Variants in PARD6G observed in about 807,000 individuals in gnomAD.
PARD6G encodes par-6 family cell polarity regulator gamma, also known as partitioning defective 6 homolog gamma.
In PARD6G, 7 loss-of-function variants were observed where a neutral mutation model predicts 10.7. The ratio of observed to expected loss-of-function variants is 0.66; its 90% CI spans 0.37 to 1.23. PARD6G has a LOEUF of 1.23. Among genes scored for constraint, PARD6G ranks in the 50% most tolerant of loss-of-function variants. PARD6G has a pLI of 0.02. For missense variants in PARD6G, 548 were observed against 571.8 expected, an observed-to-expected ratio of 0.96 and a Z score of 0.42; for synonymous variants, 287 against 269.4, an observed-to-expected ratio of 1.07 and a Z score of -0.64.
At chr18:80,203,461 C>T (rs1398077060) in intron 1 of PARD6G, among the ~76,000 whole-genome samples, 1 of 152,096 alleles carries the variant, frequency 6.6e-6, no homozygotes, top group Non-Finnish European at 1.5e-5. Flanking sequence ...ACGGCCCTCT[C>T]GTCCACACTG....
intron 2 of PARD6G, among the ~76,000 whole-genome samples, chr18:80,173,878 C>T (rs1301092479): frequency 6.6e-6 from 1 of 152,212 alleles, no homozygotes; most frequent in African/African-American, 2.4e-5. Flanking sequence ...TACTGCCTCA[C>T]AGAAGCCACT....
intron 2 of PARD6G, among the ~76,000 whole-genome samples, chr18:80,174,770 C>A (rs1056346860): frequency 1.1e-4 from 17 of 151,954 alleles, no homozygotes; most frequent in Admixed American, 3.3e-4. Context: ...CTGGCTAACA[C>A]GGTGAAACCC....
Position 80,247,396 on chromosome 18 carries a change from C to T in PARD6G, c.-48G>A. On this transcript the variant is annotated 5_prime_UTR_variant, in exon 1 of 3. Transcript: ENST00000353265. This position sits in a 1 kb window ranked among gnomAD's most constrained non-coding sequence, Gnocchi z 4.2. ...GCCGTCGCCCTCGCTCCTCAGGGGC[C>T]GCAGAAAGACTCCCGGGGGCGGCGC... The T allele has an allele frequency of 1.4e-6, 2 of 1,463,172 alleles. No individual in the cohort carries two copies. The highest frequency in any genetic ancestry group is 2.8e-5 in the East Asian group (1 of 35,884). The allele number at this position is 1,463,172 out of a possible 1,614,324, so 90.6% of individuals were successfully genotyped here.
At chr18:80,197,989 G>A (rs1966973759) in intron 2 of PARD6G, among the ~76,000 whole-genome samples, 1 of 152,206 alleles carries the variant, frequency 6.6e-6, no homozygotes, top group African/African-American at 2.4e-5. Flanking sequence ...AAAGACAGCT[G>A]TCATGTGTCC....
chr18:80,179,458 CA>C (rs2052836533), intron 2 of PARD6G, among the ~76,000 whole-genome samples: 1 of 152,210 alleles, frequency 6.6e-6, no homozygotes, highest in South Asian at 2.1e-4. Context: ...CACTGGCCCC[CA>C]AATCCACCAC....
Position 80,247,344 on chromosome 18 carries a change from T to C in PARD6G, c.5A>G (p.Asn2Ser). The C allele has an allele frequency of 6.4e-7, 1 of 1,571,398 alleles. No individual in the cohort carries two copies. The highest frequency in any genetic ancestry group is 1.1e-5 in the South Asian group (1 of 87,168). Reference protein sequence around the residue: MNRSFHKSQTLR... With the variant: MSRSFHKSQTLR... Reference sequence around the variant, plus strand: ...GGTCTGAGACTTGTGAAAACTTCGGTTCATGGTTTCGGCCCCGGTCAGCCT... The same window carrying C: ...GGTCTGAGACTTGTGAAAACTTCGGCTCATGGTTTCGGCCCCGGTCAGCCT... The change falls in exon 1 of 3, where the codon AAC becomes AGC. Residue 2 changes from asparagine to serine, a missense_variant. Physicochemically the swap from Asn to Ser is conservative, Grantham distance 46. Transcript: ENST00000353265. The surrounding 1 kb of genome is among the most constrained non-coding windows in gnomAD (Gnocchi z 4.2).
rs201373415 is a variant in PARD6G at position 80,195,548 on chromosome 18, CATAT to C, written c.295+7158_295+7161del. On this transcript the variant is annotated intron_variant, in intron 2 of 2. Coordinates refer to ENST00000353265, the MANE Select transcript of PARD6G (RefSeq NM_032510.4). ...CACACAATAAGAGTCTTCAAAGATA[CATAT>C]ATATATATATATATATATATACACA... 4.2e-3 allele frequency among the ~76,000 whole-genome samples: 345 copies of C among 82,208 alleles called. 17 individuals carry two copies. Among genetic ancestry groups the C allele is most frequent in the African/African-American group, 0.012 (290 of 23,402 alleles). 53.9% of individuals were successfully genotyped at this position (82,208 alleles called of 152,430 possible).
chr18:80,160,336 T>G lies in PARD6G; in HGVS notation c.566A>C (p.Lys189Thr). Residue 189 changes from lysine to threonine, a missense_variant, in exon 3 of 3, where the codon AAG becomes ACG. Lys to Thr is a moderately conservative substitution (Grantham distance 78, BLOSUM62 -1). This residue lies in a region of PARD6G where 235 missense variants were observed against 291.9 expected (regional missense o/e 0.81). Coordinates refer to ENST00000353265, the MANE Select transcript of PARD6G (RefSeq NM_032510.4). The stretch of plus-strand genomic sequence containing the variant: ...GCGCGAGATGAAGATGCCGGGCACC[T>G]TCTCCAGCCCGTGCGGGGTCACGCG... ...SVRVTPHGLEKVPGIFISRMV... is the reference protein window; with the variant it reads ...SVRVTPHGLETVPGIFISRMV... 1.2e-6 allele frequency: 2 copies of G among 1,611,924 alleles called. No individual in the cohort carries two copies.
chr18:80,209,211 G>A (rs1387501963), intron 1 of PARD6G, among the ~76,000 whole-genome samples: 3 of 152,092 alleles, frequency 2.0e-5, no homozygotes, highest in East Asian at 3.8e-4. Context: ...TGGTTCCGAG[G>A]CAAAATGGCT....
At position 80,159,464 on chromosome 18, in the gene PARD6G, G is replaced by GTATT. The variant is rs2052679448; in HGVS notation, c.*303_*306dup. The stretch of plus-strand genomic sequence containing the variant: ...TTTAAAGCTTCACTTTAAAAACAAA[G>GTATT]TATTTGTAAAAATTTTAAAAAGCAT... On this transcript the variant is annotated 3_prime_UTR_variant, in exon 3 of 3. Transcript: ENST00000353265. 1 of 297,294 alleles carries GTATT rather than the reference G, an allele frequency of 3.4e-6. No homozygotes were observed. The highest frequency in any genetic ancestry group is 1.6e-4 in the South Asian group (1 of 6,236). The allele number at this position is 297,294 out of a possible 1,614,324, so 18.4% of individuals were successfully genotyped here. A position where few individuals can be genotyped will look rare whatever the true frequency, so the allele number is the denominator to read the frequency against.
intron 2 of PARD6G, among the ~76,000 whole-genome samples, chr18:80,165,260 G>GTATT (rs1224062536): frequency 4.6e-5 from 7 of 152,082 alleles, no homozygotes; most frequent in Non-Finnish European, 8.8e-5. Flanking sequence ...CTTTCCCAGG[G>GTATT]TATTAATATT....
rs567771483 is a variant in PARD6G at position 80,177,862 on chromosome 18, CAT to C, written c.296-17258_296-17257del. On this transcript the variant is annotated intron_variant, in intron 2 of 2. Coordinates refer to ENST00000353265, the MANE Select transcript of PARD6G (RefSeq NM_032510.4). ...TCGCAGTCCAAACGGGAAGCACACA[CAT>C]GTGCACACACACCCACCACACATGC... 1.4e-3 allele frequency among the ~76,000 whole-genome samples: 219 copies of C among 151,424 alleles called. 2 individuals carry two copies. The highest frequency in any genetic ancestry group is 4.8e-3 in the African/African-American group (196 of 41,224).
intron 1 of PARD6G, among the ~76,000 whole-genome samples, chr18:80,209,496 C>A (rs1245127860): frequency 6.6e-6 from 1 of 152,058 alleles, no homozygotes; most frequent in African/African-American, 2.4e-5. Context: ...ATACAAAATA[C>A]CAAGATCAAT....
At chr18:80,235,628 A>C (rs1467988487) in intron 1 of PARD6G, among the ~76,000 whole-genome samples, 1 of 152,222 alleles carries the variant, frequency 6.6e-6, no homozygotes. Flanking sequence ...CTAATAAAGA[A>C]GAGAGAAGAA....
chr18:80,160,274 G>A lies in PARD6G; in HGVS notation c.628C>T (p.Leu210=), dbSNP rs994276943. 1.2e-6 allele frequency: 2 copies of A among 1,612,252 alleles called. No individual in the cohort carries two copies. The highest frequency in any genetic ancestry group is 2.7e-5 in the African/African-American group (2 of 74,832). ...PGGLAESTGL[L]AVNDEVLEVN... ...TCCAGGACCTCGTCATTCACAGCCA[G>A]CAGCCCGGTGCTCTCCGCCAGGCCC... is the stretch of plus-strand genomic sequence containing the variant. Residue 210 remains leucine, a synonymous_variant, in exon 3 of 3, where the codon CTG becomes TTG. Transcript: ENST00000353265.
chr18:80,230,481 A>G (rs1967345538), intron 1 of PARD6G, among the ~76,000 whole-genome samples: 1 of 152,208 alleles, frequency 6.6e-6, no homozygotes, highest in Non-Finnish European at 1.5e-5. Context: ...TATGAGTCAG[A>G]TGAGGTGGAG....
chr18:80,202,638 G>A, intron 2 of PARD6G, 72 bp downstream of exon 2: 1 of 1,365,236 alleles, frequency 7.3e-7, no homozygotes, highest in Non-Finnish European at 1.0e-6. Flanking sequence ...TGTAATGACA[G>A]AAAAAATTGA....
intron 2 of PARD6G, among the ~76,000 whole-genome samples, chr18:80,163,492 C>A (rs909523559): frequency 2.0e-5 from 3 of 152,214 alleles, no homozygotes; most frequent in African/African-American, 7.2e-5. Flanking sequence ...AGCCGCTTGT[C>A]TTCAAGTCCC....
intron 1 of PARD6G, among the ~76,000 whole-genome samples, chr18:80,245,664 A>T (rs2145311373): frequency 6.6e-6 from 1 of 152,238 alleles, no homozygotes; most frequent in East Asian, 1.9e-4. Context: ...AAAGTTAAAT[A>T]AGATTACATA....
Sources: allele counts gnomAD v4.1 joint callset (sites outside exome capture counted in the v4.1 genomes callset), GRCh38; gene constraint gnomAD v4.1.1; regional missense constraint gnomAD v4.1.1; non-coding constraint Gnocchi (gnomAD v3.1); transcripts MANE v1.5; gene names NCBI Gene and HGNC (gene_info 2026-07-23, HGNC 2026-07-21).